The following PCIF1 variants were observed in gnomAD, a reference collection of about 807,000 sequenced individuals.
The protein encoded by PCIF1 is phosphorylated CTD interacting factor 1, also known as mRNA (2'-O-methyladenosine-N(6)-)-methyltransferase.
Under a neutral mutation model 86.9 loss-of-function variants are expected in PCIF1, and 12 were observed. That is an observed-to-expected ratio of 0.14 (90% CI 0.09 to 0.22). PCIF1 has a LOEUF of 0.22. Among genes scored for constraint, PCIF1 ranks in the 10% least tolerant of loss-of-function variants. The pLI is 1.00. For missense variants in PCIF1, 701 were observed against 951.1 expected (o/e 0.74, Z 3.46); for synonymous variants, 397 against 372.0 (o/e 1.07, Z -0.77).
At position 45,944,728 on chromosome 20, in the gene PCIF1, T is replaced by C. The variant is rs1178526182; in HGVS notation, c.1006-140T>C. 3.5e-6 allele frequency: 3 copies of C among 866,482 alleles called. No individual in the cohort carries two copies. The African/African-American group carries it at 5.1e-5, about 15-fold the overall frequency. The allele number at this position is 866,482 out of a possible 1,614,324, so 53.7% of individuals were successfully genotyped here. On this transcript the variant is annotated intron_variant, in intron 10 of 16. Transcript: ENST00000372409. Reference sequence around the variant, plus strand: ...AGATTGAGAGAAGCCAGGGGATTTGTCCAAGTGACACAGCTAGTCAGCAGC... The same window carrying C: ...AGATTGAGAGAAGCCAGGGGATTTGCCCAAGTGACACAGCTAGTCAGCAGC...
At position 45,938,991 on chromosome 20, in the gene PCIF1, G is replaced by T. The variant is rs1486419266; in HGVS notation, c.-9G>T. ...TCCTCTGTGTGGCAGGTCCTGTGTG[G>T]GTGTGGAGATGGCCAATGAGAATCA... On this transcript the variant is annotated 5_prime_UTR_variant, in exon 3 of 17. Coordinates refer to ENST00000372409, the MANE Select transcript of PCIF1 (RefSeq NM_022104.4). 1 of 1,613,938 alleles carries T rather than the reference G, an allele frequency of 6.2e-7. No individual in the cohort carries two copies. Among genetic ancestry groups the T allele is most frequent in the South Asian group, 1.1e-5 (1 of 91,078 alleles).
chr20:45,946,355 C>T lies in PCIF1; in HGVS notation c.1584C>T (p.Pro528=), dbSNP rs754740648. Residue 528 remains proline, a synonymous_variant, in exon 14 of 17, where the codon CCC becomes CCT. Coordinates refer to ENST00000372409, the MANE Select transcript of PCIF1 (RefSeq NM_022104.4). The part of the protein sequence containing the change: ...CYFRQYCSAF[P]DTDGYFGSRG... ...TCCGCCAGTACTGTTCTGCCTTCCC[C>T]GACACAGACGGCTACTTTGGCTCCC... 8.7e-6 allele frequency: 14 copies of T among 1,613,842 alleles called. No individual in the cohort carries two copies. Among genetic ancestry groups the T allele is most frequent in the Middle Eastern group, 1.6e-4 (1 of 6,062 alleles).
Position 45,947,556 on chromosome 20 carries a change from C to T in PCIF1, c.1916C>T (p.Thr639Met), listed in dbSNP as rs1049430585. The change falls in exon 17 of 17, where the codon ACG (threonine) becomes ATG (methionine). Residue 639 changes from threonine (T) to methionine (M), a missense_variant. Transcript: ENST00000372409. The surrounding 1 kb of genome is among the most constrained non-coding windows in gnomAD (Gnocchi z 5.4). ...EEMHYKAVHNTAVLFLQNDPG... is the reference protein window; with the variant it reads ...EEMHYKAVHNMAVLFLQNDPG... ...ATGCACTACAAGGCCGTCCACAACA[C>T]GGCTGTGCTCTTCCTACAGAACGAC... The T allele has an allele frequency of 1.2e-6, 2 of 1,613,746 alleles. No individual in the cohort carries two copies. Among genetic ancestry groups the T allele is most frequent in the Non-Finnish European group, 1.7e-6 (2 of 1,180,024 alleles).
Position 45,946,204 on chromosome 20 carries a change from T to C in PCIF1, c.1433T>C (p.Met478Thr), listed in dbSNP as rs921273704. 6.2e-7 allele frequency: 1 copy of C among 1,614,064 alleles called. No individual in the cohort carries two copies. The highest frequency in any genetic ancestry group is 1.7e-5 in the Admixed American group (1 of 60,006). The change falls in exon 14 of 17, where the codon ATG becomes ACG. Residue 478 changes from methionine (M) to threonine (T), a missense_variant. Around this residue, in one of 7 missense-constraint regions of PCIF1, gnomAD observed 61 missense variants for 118.5 expected, o/e 0.51. Coordinates refer to ENST00000372409, the MANE Select transcript of PCIF1 (RefSeq NM_022104.4). Reference protein sequence around the residue: ...VWCLLRRYQMMFGVGLYEGTG... With the variant: ...VWCLLRRYQMTFGVGLYEGTG... ...CTGACGGTGGCCACTCCGCAGATGA[T>C]GTTCGGCGTGGGCCTCTACGAGGGG...
rs1484051183 is a variant in PCIF1 at position 45,946,216 on chromosome 20, G to C, written c.1445G>C (p.Gly482Ala). The C allele has an allele frequency of 1.2e-6, 2 of 1,614,186 alleles. No individual in the cohort carries two copies. The highest frequency in any genetic ancestry group is 4.5e-5 in the East Asian group (2 of 44,892). The change falls in exon 14 of 17, where the codon GGC (glycine) becomes GCC (alanine). Residue 482 changes from glycine to alanine, a missense_variant. Coordinates refer to ENST00000372409, the MANE Select transcript of PCIF1 (RefSeq NM_022104.4). ...LRRYQMMFGV[G>A]LYEGTGLQGS... Reference sequence around the variant, plus strand: ...ACTCCGCAGATGATGTTCGGCGTGGGCCTCTACGAGGGGACTGGCCTGCAG... The same window carrying C: ...ACTCCGCAGATGATGTTCGGCGTGGCCCTCTACGAGGGGACTGGCCTGCAG...
chr20:45,936,262 C>T (rs2083424780), intron 1 of PCIF1, among the ~76,000 whole-genome samples: 1 of 151,922 alleles, frequency 6.6e-6, no homozygotes, highest in Admixed American at 6.6e-5. Context: ...GCAACCTCCG[C>T]CCCCTGGGTT....
intron 10 of PCIF1, among the ~76,000 whole-genome samples, chr20:45,944,119 T>A (rs930104944): frequency 6.6e-6 from 1 of 152,100 alleles, no homozygotes; most frequent in Non-Finnish European, 1.5e-5. Flanking sequence ...GTTCATATCA[T>A]GGTTAAGAGC....
chr20:45,943,491 C>T lies in PCIF1; in HGVS notation c.905+68C>T, dbSNP rs894420020. 2.0e-6 allele frequency: 3 copies of T among 1,496,352 alleles called. No homozygotes were observed. The highest frequency in any genetic ancestry group is 3.5e-5 in the Admixed American group (2 of 57,736). 92.7% of individuals were successfully genotyped at this position (1,496,352 alleles called of 1,614,324 possible). ...AAGTGGCAGGTCATAGGCCATCTTGCCCAGTCTCATGCAGGGCTGTCATTG... is the reference window on the plus strand; with the variant it reads ...AAGTGGCAGGTCATAGGCCATCTTGTCCAGTCTCATGCAGGGCTGTCATTG... On this transcript the variant is annotated intron_variant, in intron 9 of 16. Coordinates refer to ENST00000372409, the MANE Select transcript of PCIF1 (RefSeq NM_022104.4). The surrounding 1 kb of genome is among the most constrained non-coding windows in gnomAD (Gnocchi z 5.5).
chr20:45,946,947 G>T, intron 14 of PCIF1, 126 bp from the exon 15 acceptor site: 1 of 729,416 alleles, frequency 1.4e-6, no homozygotes, highest in Non-Finnish European at 2.3e-6. Context: ...CAATGAATTA[G>T]GGTGAATGCT....
intron 1 of PCIF1, among the ~76,000 whole-genome samples, chr20:45,936,145 T>C (rs951678292): frequency 6.6e-6 from 1 of 152,180 alleles, no homozygotes; most frequent in Non-Finnish European, 1.5e-5. Flanking sequence ...GATTTTTCTC[T>C]GGTCTAAGGG....
In PCIF1 at chr20:45,940,794, T is replaced by A; in HGVS notation, c.388-15T>A. 1 of 1,611,724 alleles carries A rather than the reference T, an allele frequency of 6.2e-7. No homozygotes were observed. Among genetic ancestry groups the A allele is most frequent in the Non-Finnish European group, 8.5e-7 (1 of 1,178,516 alleles). On this transcript the variant is annotated splice_polypyrimidine_tract_variant and intron_variant, in intron 5 of 16. Coordinates refer to ENST00000372409, the MANE Select transcript of PCIF1 (RefSeq NM_022104.4). ...TGAATCTCCTGACTTGACACCTTTG[T>A]GACTTTCACTACAGATTGAAATCCC...
intron 14 of PCIF1, among the ~76,000 whole-genome samples, chr20:45,946,792 C>A (rs1470489092): frequency 6.6e-6 from 1 of 152,222 alleles, no homozygotes; most frequent in East Asian, 1.9e-4. Flanking sequence ...AGCTCAGCAG[C>A]TGGGGATCCT....
Position 45,934,722 on chromosome 20 carries a change from G to A in PCIF1, c.-270G>A, listed in dbSNP as rs2083399332. 2 of 398,840 alleles carry A rather than the reference G, an allele frequency of 5.0e-6. No homozygotes were observed. The highest frequency in any genetic ancestry group is 2.1e-5 in the African/African-American group (1 of 48,620). The allele number at this position is 398,840 out of a possible 1,614,324, so 24.7% of individuals were successfully genotyped here. A position where few individuals can be genotyped will look rare whatever the true frequency, so the allele number is the denominator to read the frequency against. The stretch of plus-strand genomic sequence containing the variant: ...CGGGACACAAGATGGCGGCAGCGGC[G>A]CTGGGGAGGGCGAGGCGGAGGCGGC... On this transcript the variant is annotated 5_prime_UTR_variant, in exon 1 of 17. Coordinates refer to ENST00000372409, the MANE Select transcript of PCIF1 (RefSeq NM_022104.4).
chr20:45,942,371 A>G (rs367707494), intron 7 of PCIF1, among the ~76,000 whole-genome samples: 3 of 143,724 alleles, frequency 2.1e-5, no homozygotes, highest in African/African-American at 7.9e-5. Flanking sequence ...CTGGAGTGCA[A>G]TGGCACGGTC....
intron 1 of PCIF1, among the ~76,000 whole-genome samples, chr20:45,936,161 T>C (rs1377196521): frequency 1.3e-5 from 2 of 152,022 alleles, no homozygotes; most frequent in Non-Finnish European, 2.9e-5. Context: ...AAGGGTACTT[T>C]ATTTTATTTT....
At chr20:45,944,761 G>C (rs2083505489) in intron 10 of PCIF1, 107 bp from the exon 11 acceptor site, 1 of 1,246,992 alleles carries the variant, frequency 8.0e-7, no homozygotes, top group African/African-American at 1.5e-5. Flanking sequence ...AGCAGAGCTG[G>C]TTTCAAAACA....
At position 45,947,335 on chromosome 20, in the gene PCIF1, C is replaced by A. The variant is rs1355121511; in HGVS notation, c.1780C>A (p.Pro594Thr). The change falls in exon 16 of 17, where the codon CCA (proline) becomes ACA (threonine). Residue 594 changes from proline (P) to threonine (T), a missense_variant. Coordinates refer to ENST00000372409, the MANE Select transcript of PCIF1 (RefSeq NM_022104.4). The surrounding 1 kb of genome is among the most constrained non-coding windows in gnomAD (Gnocchi z 5.4). The stretch of plus-strand genomic sequence containing the variant: ...CCCTGAGTGGCGGGAACCCCCAACA[C>A]CAGCGCTCACCCGCATGGAGCAGAG... ...FIPEWREPPT[P>T]ALTRMEQSRF... The A allele has an allele frequency of 6.8e-6, 11 of 1,613,850 alleles. No homozygotes were observed. Among genetic ancestry groups the A allele is most frequent in the African/African-American group, 1.3e-5 (1 of 74,938 alleles).
rs767144550 is a variant in PCIF1, at chr20:45,939,103, G to A, written c.104G>A (p.Arg35His). 32 of 1,614,058 alleles carry A rather than the reference G, an allele frequency of 2.0e-5. No individual in the cohort carries two copies. Among genetic ancestry groups the A allele is most frequent in the Non-Finnish European group, 2.5e-5 (30 of 1,180,010 alleles). ...CAGCCCTGTTCTCCAAAGCCAATCC[G>A]CCTGGTTCAGGACCTCCCAGGTACT... ...QSQPCSPKPIRLVQDLPEELV... is the reference protein window; with the variant it reads ...QSQPCSPKPIHLVQDLPEELV... The change falls in exon 3 of 17, where the codon CGC becomes CAC. Residue 35 changes from arginine (R) to histidine (H), a missense_variant. By Grantham distance (29) the Arg-to-His change is conservative (BLOSUM62 0). Around this residue, in one of 7 missense-constraint regions of PCIF1, gnomAD observed 60 missense variants for 58.6 expected, o/e 1.02. Transcript: ENST00000372409.
Position 45,944,946 on chromosome 20 carries a change from A to G in PCIF1, c.1084A>G (p.Ser362Gly). The change falls in exon 11 of 17, where the codon AGT becomes GGT. Residue 362 changes from serine (S) to glycine (G), a missense_variant. By Grantham distance (56) the Ser-to-Gly change is moderately conservative. This residue lies in a region of PCIF1 where 129 missense variants were observed against 245.9 expected (regional missense o/e 0.52). Coordinates refer to ENST00000372409, the MANE Select transcript of PCIF1 (RefSeq NM_022104.4). The part of the protein sequence containing the change: ...AAKDSVEGIC[S>G]KIYHISLEYV... ...CAAGGACTCCGTGGAAGGCATCTGCAGTAAGATCTACCACATCTCCCTGGA... is the reference window on the plus strand; with the variant it reads ...CAAGGACTCCGTGGAAGGCATCTGCGGTAAGATCTACCACATCTCCCTGGA... 5 of 1,614,200 alleles carry G rather than the reference A, an allele frequency of 3.1e-6. No homozygotes were observed. Among genetic ancestry groups the G allele is most frequent in the Non-Finnish European group, 4.2e-6 (5 of 1,180,022 alleles).
Sources: allele counts gnomAD v4.1 joint callset (sites outside exome capture counted in the v4.1 genomes callset), GRCh38; gene constraint gnomAD v4.1.1; regional missense constraint gnomAD v4.1.1; non-coding constraint Gnocchi (gnomAD v3.1); transcripts MANE v1.5; gene names NCBI Gene and HGNC (gene_info 2026-07-23, HGNC 2026-07-21).